LHFPL3: variants seen among roughly 807,000 people sequenced by gnomAD.
LHFPL3 encodes LHFPL tetraspan subfamily member 3, also known as LHFPL tetraspan subfamily member 3 protein.
A neutral mutation model predicts 19.3 loss-of-function variants in LHFPL3; 5 were observed. The ratio of observed to expected loss-of-function variants is 0.26; its 90% CI spans 0.14 to 0.54. The LOEUF is 0.54. Among genes scored for constraint, LHFPL3 ranks in the 20% least tolerant of loss-of-function variants. The pLI is 0.94. For missense variants in LHFPL3, 249 were observed against 307.4 expected (o/e 0.81, Z 1.42); for synonymous variants, 133 against 126.2 (o/e 1.05, Z -0.36).
intron 1 of LHFPL3, among the ~76,000 whole-genome samples, chr7:104,633,043 A>G (rs1378775446): frequency 2.0e-5 from 3 of 152,134 alleles, no homozygotes; most frequent in African/African-American, 7.2e-5. Context: ...TTTAAGAAAA[A>G]AATTTAAGTA....
At chr7:104,562,068 G>A (rs1790016961) in intron 1 of LHFPL3, among the ~76,000 whole-genome samples, 1 of 151,930 alleles carries the variant, frequency 6.6e-6, no homozygotes, top group African/African-American at 2.4e-5. Context: ...AGTCTGATGG[G>A]CTTCCCTTTG....
intron 1 of LHFPL3, among the ~76,000 whole-genome samples, chr7:104,429,648 G>T (rs762233387): frequency 6.6e-6 from 1 of 151,900 alleles, no homozygotes; most frequent in Non-Finnish European, 1.5e-5. Context: ...TTGCAAAAAG[G>T]TCAGAATCTT....
At chr7:104,451,014 C>G (rs1199805309) in intron 1 of LHFPL3, among the ~76,000 whole-genome samples, 1 of 152,128 alleles carries the variant, frequency 6.6e-6, no homozygotes, top group African/African-American at 2.4e-5. Flanking sequence ...CCCTTTCATA[C>G]AGAGGATCCT....
At chr7:104,427,827 C>A (rs185890127) in intron 1 of LHFPL3, among the ~76,000 whole-genome samples, 2 of 152,302 alleles carry the variant, frequency 1.3e-5, no homozygotes, top group Admixed American at 6.5e-5. Context: ...GGACAAGTAG[C>A]TTAAATGTTT....
chr7:104,864,010 A>G (rs1356350544), intron 2 of LHFPL3, among the ~76,000 whole-genome samples: 3 of 152,226 alleles, frequency 2.0e-5, no homozygotes, highest in Non-Finnish European at 4.4e-5. Context: ...CACTGAGTTA[A>G]CAAACTTAAC....
At chr7:104,775,042 T>G (rs1220408386) in intron 2 of LHFPL3, among the ~76,000 whole-genome samples, 4 of 152,204 alleles carry the variant, frequency 2.6e-5, no homozygotes, top group Non-Finnish European at 5.9e-5. Flanking sequence ...TGCCAGAGTT[T>G]GAATCACACC....
At chr7:104,462,224 G>A (rs1487377680) in intron 1 of LHFPL3, among the ~76,000 whole-genome samples, 4 of 152,110 alleles carry the variant, frequency 2.6e-5, no homozygotes, top group African/African-American at 7.2e-5. Context: ...CCTATGTGAT[G>A]CCCTTTATTT....
intron 1 of LHFPL3, among the ~76,000 whole-genome samples, chr7:104,722,638 C>T (rs1584497186): frequency 3.9e-5 from 6 of 152,240 alleles, no homozygotes; most frequent in Admixed American, 2.6e-4. Context: ...TTGTCAGCCA[C>T]GTGCCAATAA....
At chr7:104,776,241 T>C (rs1794635155) in intron 2 of LHFPL3, among the ~76,000 whole-genome samples, 1 of 152,252 alleles carries the variant, frequency 6.6e-6, no homozygotes, top group Non-Finnish European at 1.5e-5. Context: ...AAGAAAAATG[T>C]ATTTGGAAAT....
chr7:104,518,460 T>A (rs1401666974), intron 1 of LHFPL3, among the ~76,000 whole-genome samples: 1 of 151,848 alleles, frequency 6.6e-6, no homozygotes, highest in Non-Finnish European at 1.5e-5. Flanking sequence ...ACCTTGTTTT[T>A]TAAATAAATG....
At position 104,328,721 on chromosome 7, in the gene LHFPL3, T is replaced by TGAGAGGCGGG; in HGVS notation, c.-57_-48dup. On this transcript the variant is annotated 5_prime_UTR_variant, in exon 1 of 3. Coordinates refer to ENST00000424859, the MANE Select transcript of LHFPL3 (RefSeq NM_199000.3). The surrounding 1 kb of genome is among the most constrained non-coding windows in gnomAD (Gnocchi z 4.6). ...CTCCGTGAGTGTGTCTCCTGCGCGC[T>TGAGAGGCGGG]GAGAGGCGGGGGGAGGCGGAGGACC... The TGAGAGGCGGG allele has an allele frequency of 6.9e-7, 1 of 1,459,040 alleles. No individual in the cohort carries two copies. Among genetic ancestry groups the TGAGAGGCGGG allele is most frequent in the African/African-American group, 1.4e-5 (1 of 70,642 alleles). The allele number at this position is 1,459,040 out of a possible 1,614,324, so 90.4% of individuals were successfully genotyped here. A position where few individuals can be genotyped will look rare whatever the true frequency, so the allele number is the denominator to read the frequency against.
At chr7:104,354,571 G>A (rs1230855540) in intron 1 of LHFPL3, among the ~76,000 whole-genome samples, 2 of 152,140 alleles carry the variant, frequency 1.3e-5, no homozygotes, top group Non-Finnish European at 2.9e-5. Flanking sequence ...TGGCCAGTCT[G>A]ATTGTATAAA....
At chr7:104,422,380 CAAG>C (rs1791750879) in intron 1 of LHFPL3, among the ~76,000 whole-genome samples, 2 of 152,194 alleles carry the variant, frequency 1.3e-5, no homozygotes, top group South Asian at 4.2e-4. Context: ...ACAACAACAA[CAAG>C]AACAAATATT....
chr7:104,677,825 A>G (rs978377143), intron 1 of LHFPL3, among the ~76,000 whole-genome samples: 1 of 152,248 alleles, frequency 6.6e-6, no homozygotes, highest in African/African-American at 2.4e-5. Context: ...ACGTGTCCCC[A>G]TGACTGTTCA....
intron 1 of LHFPL3, among the ~76,000 whole-genome samples, chr7:104,414,916 T>C (rs1791593646): frequency 6.6e-6 from 1 of 152,170 alleles, no homozygotes; most frequent in African/African-American, 2.4e-5. Context: ...TTGCTGAGGA[T>C]GTGTTTGGAT....
At chr7:104,847,100 AC>A (rs1348239488) in intron 2 of LHFPL3, among the ~76,000 whole-genome samples, 2 of 152,200 alleles carry the variant, frequency 1.3e-5, no homozygotes, top group African/African-American at 4.8e-5. Context: ...CTTTACACAG[AC>A]CTATCAAACT....
intron 2 of LHFPL3, among the ~76,000 whole-genome samples, chr7:104,823,786 C>A (rs575634476): frequency 6.6e-6 from 1 of 152,154 alleles, no homozygotes; most frequent in South Asian, 2.1e-4. Context: ...TCCACATTTG[C>A]TGATATGGCC....
intron 1 of LHFPL3, among the ~76,000 whole-genome samples, chr7:104,680,026 T>C (rs1226261976): frequency 2.0e-5 from 3 of 152,314 alleles, no homozygotes; most frequent in Admixed American, 2.0e-4. Context: ...TTCAGACTTG[T>C]ATATCTAGCA....
At chr7:104,645,533 A>G (rs1791915631) in intron 1 of LHFPL3, among the ~76,000 whole-genome samples, 1 of 152,096 alleles carries the variant, frequency 6.6e-6, no homozygotes, top group African/African-American at 2.4e-5. Flanking sequence ...CAAAAAGAGA[A>G]TGCGAAGTAG....
Sources: allele counts gnomAD v4.1 joint callset (sites outside exome capture counted in the v4.1 genomes callset), GRCh38; gene constraint gnomAD v4.1.1; non-coding constraint Gnocchi (gnomAD v3.1); transcripts MANE v1.5; gene names NCBI Gene and HGNC (gene_info 2026-07-23, HGNC 2026-07-21).